PPP5C: variants seen among roughly 807,000 people sequenced by gnomAD.
PPP5C encodes serine/threonine-protein phosphatase 5.
In PPP5C, 21 loss-of-function variants were observed where a neutral mutation model predicts 66.7. That is an observed-to-expected ratio of 0.31 (90% confidence interval 0.22 to 0.45). PPP5C has a LOEUF of 0.45. PPP5C is among the 20% of genes least tolerant of loss of function. The pLI, the probability that PPP5C is intolerant of heterozygous loss-of-function variation, is 1.00. For missense variants in PPP5C, 464 were observed against 675.9 expected, an observed-to-expected ratio of 0.69 and a Z score of 3.48; for synonymous variants, 246 against 257.4, an observed-to-expected ratio of 0.96 and a Z score of 0.43.
intron 2 of PPP5C, among the ~76,000 whole-genome samples, chr19:46,372,922 G>T (rs1436604356): frequency 6.6e-6 from 1 of 152,252 alleles, no homozygotes; most frequent in Non-Finnish European, 1.5e-5. Context: ...GCCCAGCAGG[G>T]CATCTTCACT....
intron 4 of PPP5C, among the ~76,000 whole-genome samples, chr19:46,378,346 A>G (rs1361251848): frequency 6.6e-6 from 1 of 152,212 alleles, no homozygotes; most frequent in Non-Finnish European, 1.5e-5. Flanking sequence ...TGGTCAGACA[A>G]CACACTCTGG....
Position 46,376,505 on chromosome 19 carries a change from C to CA in PPP5C, c.565dup (p.Ser189LysfsTer61). The CA allele has an allele frequency of 6.2e-7, 1 of 1,613,896 alleles. No homozygotes were observed. The highest frequency in any genetic ancestry group is 8.5e-7 in the Non-Finnish European group (1 of 1,179,928). ...AGCTTGAAGACGGCAAAGTGACAAT[C>CA]AGTTTCATGAAGGAGCTCATGCAGT... On this transcript the variant is annotated frameshift_variant, in exon 4 of 13. Coordinates refer to ENST00000012443, the MANE Select transcript of PPP5C (RefSeq NM_006247.4). LOFTEE classifies it high-confidence loss of function. The surrounding 1 kb of genome is among the most constrained non-coding windows in gnomAD (Gnocchi z 5.1).
chr19:46,353,486 T>A (rs1972227000), intron 1 of PPP5C, among the ~76,000 whole-genome samples: 1 of 132,948 alleles, frequency 7.5e-6, no homozygotes, highest in Non-Finnish European at 1.5e-5. Flanking sequence ...TGCTCTTCCC[T>A]CAGTCTGCTG....
chr19:46,390,861 C>T lies in PPP5C; in HGVS notation c.*515C>T. On this transcript the variant is annotated 3_prime_UTR_variant, in exon 13 of 13. Transcript: ENST00000012443. ...GTCATTATCGGAAGTCAGCTTGTCT[C>T]TGGATGGTGGAGCCGAAGGAGCTGC... is the stretch of plus-strand genomic sequence containing the variant. The T allele has an allele frequency of 8.8e-7, 1 of 1,140,358 alleles. No homozygotes were observed. The highest frequency in any genetic ancestry group is 1.1e-6 in the Non-Finnish European group (1 of 913,910). The allele number at this position is 1,140,358 out of a possible 1,614,324, so 70.6% of individuals were successfully genotyped here. A position where few individuals can be genotyped will look rare whatever the true frequency, so the allele number is the denominator to read the frequency against.
intron 2 of PPP5C, among the ~76,000 whole-genome samples, chr19:46,363,307 C>CAA (rs1158423038): frequency 7.2e-5 from 2 of 27,940 alleles, no homozygotes; most frequent in Non-Finnish European, 1.1e-4. Context: ...GACTCCATCT[C>CAA]AAAAAAAAAA....
intron 2 of PPP5C, among the ~76,000 whole-genome samples, chr19:46,361,130 T>C (rs914885470): frequency 7.3e-6 from 1 of 136,408 alleles, no homozygotes; most frequent in African/African-American, 2.7e-5. Flanking sequence ...TGAAAGAAAA[T>C]TTTTTTTTTT....
At chr19:46,353,705 A>C (rs779112019) in intron 1 of PPP5C, 43 bp from the exon 2 acceptor site, 1 of 1,610,710 alleles carries the variant, frequency 6.2e-7, no homozygotes, top group Non-Finnish European at 8.5e-7. Context: ...CTGTCCTCGC[A>C]GGGTTGGAGC....
intron 1 of PPP5C, among the ~76,000 whole-genome samples, chr19:46,347,603 G>C (rs966269884): frequency 1.3e-5 from 2 of 151,374 alleles, no homozygotes; most frequent in Non-Finnish European, 2.9e-5. Context: ...CGCCAAGTGG[G>C]GGGTAGAGGG....
chr19:46,349,071 G>GC (rs1972137284), intron 1 of PPP5C, among the ~76,000 whole-genome samples: 1 of 152,068 alleles, frequency 6.6e-6, no homozygotes, highest in Non-Finnish European at 1.5e-5. Flanking sequence ...GGGGAGGGTG[G>GC]TAAGACGAGA....
At chr19:46,355,052 T>G (rs1181936268) in intron 2 of PPP5C, among the ~76,000 whole-genome samples, 2 of 152,234 alleles carry the variant, frequency 1.3e-5, no homozygotes, top group Non-Finnish European at 2.9e-5. Flanking sequence ...TTACTCCCCT[T>G]GCACAGATGA....
chr19:46,388,606 C>T lies in PPP5C; in HGVS notation c.1230C>T (p.Val410=). 1 of 1,614,152 alleles carries T rather than the reference C, an allele frequency of 6.2e-7. No individual in the cohort carries two copies. Among genetic ancestry groups the T allele is most frequent in the Admixed American group, 1.7e-5 (1 of 60,026 alleles). The change falls in exon 11 of 13, where the codon GTC becomes GTT. Residue 410 remains valine (V), a synonymous_variant. Coordinates refer to ENST00000012443, the MANE Select transcript of PPP5C (RefSeq NM_006247.4). This position sits in a 1 kb window ranked among gnomAD's most constrained non-coding sequence, Gnocchi z 4.9. ...RGVSCQFGPD[V]TKAFLEENNL... Reference sequence around the variant, plus strand: ...TGAGCTGTCAGTTTGGGCCTGACGTCACCAAGGCCTTCTTGGAAGAGAACA... The same window carrying T: ...TGAGCTGTCAGTTTGGGCCTGACGTTACCAAGGCCTTCTTGGAAGAGAACA...
At chr19:46,358,663 C>G (rs532965063) in intron 2 of PPP5C, among the ~76,000 whole-genome samples, 1 of 152,094 alleles carries the variant, frequency 6.6e-6, no homozygotes, top group Non-Finnish European at 1.5e-5. Context: ...CAGGTTATCT[C>G]GGGAAGTGCT....
At chr19:46,352,879 C>T (rs1972215263) in intron 1 of PPP5C, among the ~76,000 whole-genome samples, 1 of 151,830 alleles carries the variant, frequency 6.6e-6, no homozygotes, top group African/African-American at 2.4e-5. Flanking sequence ...GAGCACCGGC[C>T]TTTCTTCCCT....
chr19:46,388,465 G>A lies in PPP5C; in HGVS notation c.1176+17G>A. 1.2e-6 allele frequency: 2 copies of A among 1,611,808 alleles called. No homozygotes were observed. Among genetic ancestry groups the A allele is most frequent in the Non-Finnish European group, 1.7e-6 (2 of 1,178,272 alleles). On this transcript the variant is annotated intron_variant, in intron 10 of 12. Coordinates refer to ENST00000012443, the MANE Select transcript of PPP5C (RefSeq NM_006247.4). The surrounding 1 kb of genome is among the most constrained non-coding windows in gnomAD (Gnocchi z 4.9). Reference sequence around the variant, plus strand: ...CAGCCACAGGTGAGTCTAGGGTGGGGTGCAGGGCCGGCGGGTGTGGGCTGT... The same window carrying A: ...CAGCCACAGGTGAGTCTAGGGTGGGATGCAGGGCCGGCGGGTGTGGGCTGT...
In PPP5C at chr19:46,383,225, G is replaced by C; in HGVS notation, c.634-186G>C. The C allele has an allele frequency of 6.5e-7, 1 of 1,537,344 alleles. No homozygotes were observed. The highest frequency in any genetic ancestry group is 1.4e-5 in the African/African-American group (1 of 73,112). On this transcript the variant is annotated intron_variant, in intron 4 of 12. Coordinates refer to ENST00000012443, the MANE Select transcript of PPP5C (RefSeq NM_006247.4). This position sits in a 1 kb window ranked among gnomAD's most constrained non-coding sequence, Gnocchi z 5.0. ...ATGCTTCGGCACTGCACAGGCCACA[G>C]AAGCCTGCGGCTGCCTCCGGCCCCG... is the stretch of plus-strand genomic sequence containing the variant.
chr19:46,349,687 CAG>C (rs904756144), intron 1 of PPP5C, among the ~76,000 whole-genome samples: 1 of 151,906 alleles, frequency 6.6e-6, no homozygotes, highest in Non-Finnish European at 1.5e-5. Flanking sequence ...GGCTGCCATG[CAG>C]AGACTGGACT....
intron 2 of PPP5C, among the ~76,000 whole-genome samples, 166 bp from the exon 3 acceptor site, chr19:46,375,438 A>G (rs1312094610): frequency 6.6e-6 from 1 of 152,232 alleles, no homozygotes; most frequent in Admixed American, 6.5e-5. Context: ...TTTGGGGTGC[A>G]GAAACCAAGG....
chr19:46,372,566 G>A (rs193243543), intron 2 of PPP5C, among the ~76,000 whole-genome samples: 43 of 152,182 alleles, frequency 2.8e-4, no homozygotes, highest in Non-Finnish European at 4.9e-4. Flanking sequence ...CCAAATACAC[G>A]CAGCCCCCAG....
In PPP5C at chr19:46,390,281, C is replaced by T; in HGVS notation, c.1438-3C>T. 2 of 1,593,094 alleles carry T rather than the reference C, an allele frequency of 1.3e-6. No individual in the cohort carries two copies. Among genetic ancestry groups the T allele is most frequent in the Non-Finnish European group, 1.7e-6 (2 of 1,169,696 alleles). ...GTCCATCCCACCTGCCCTGGTCCCA[C>T]AGCCTCATCCCAACGTCAAGCCCAT... On this transcript the variant is annotated splice_polypyrimidine_tract_variant and splice_region_variant and intron_variant, in intron 12 of 12. Transcript: ENST00000012443.
Sources: allele counts gnomAD v4.1 joint callset (sites outside exome capture counted in the v4.1 genomes callset), GRCh38; gene constraint gnomAD v4.1.1; non-coding constraint Gnocchi (gnomAD v3.1); transcripts MANE v1.5; gene names NCBI Gene and HGNC (gene_info 2026-07-23, HGNC 2026-07-21).